The following CERS1 variants were observed in gnomAD, a reference collection of about 807,000 sequenced individuals.
CERS1 encodes ceramide synthase 1.
In CERS1, 16 loss-of-function variants were observed where a neutral mutation model predicts 35.7. That is an observed-to-expected ratio of 0.45 (90% CI 0.30 to 0.68). The LOEUF (loss-of-function observed/expected upper bound fraction) is 0.68, where lower values mean the gene tolerates loss of function less well. CERS1 is among the 30% of genes least tolerant of loss of function. The probability of loss-of-function intolerance (pLI) is 0.08; values close to 1 mark genes in which losing one functional copy is unlikely to be tolerated. For synonymous variants in CERS1, 243 were observed against 201.6 expected (o/e 1.21, Z -1.74); for missense variants, 454 against 453.9 (o/e 1.00, Z 0.00).
intron 2 of CERS1, among the ~76,000 whole-genome samples, chr19:18,885,539 A>G (rs1260746855): frequency 1.8e-5 from 1 of 56,536 alleles, no homozygotes; most frequent in South Asian, 5.6e-4. Context: ...TTTTTTTTTG[A>G]GATGGAGTCT....
chr19:18,874,384 G>C (rs890294777), intron 6 of CERS1, among the ~76,000 whole-genome samples: 10 of 152,322 alleles, frequency 6.6e-5, no homozygotes, highest in African/African-American at 2.4e-4. Flanking sequence ...GCTCACTGCA[G>C]CCTTGACCTC....
At chr19:18,890,358 G>A (rs752141696) in intron 2 of CERS1, among the ~76,000 whole-genome samples, 2 of 152,244 alleles carry the variant, frequency 1.3e-5, no homozygotes, top group Admixed American at 1.3e-4. Flanking sequence ...CCTGCCACAC[G>A]GCCAGCTTCA....
intron 2 of CERS1, among the ~76,000 whole-genome samples, chr19:18,888,252 G>A (rs536477506): frequency 1.3e-4 from 20 of 151,948 alleles, no homozygotes; most frequent in Non-Finnish European, 2.1e-4. Context: ...CCAGCTATTC[G>A]GGAGGCTGAG....
chr19:18,877,319 G>A (rs1601158563), intron 6 of CERS1, among the ~76,000 whole-genome samples: 1 of 152,138 alleles, frequency 6.6e-6, no homozygotes, highest in South Asian at 2.1e-4. Flanking sequence ...CTGCACCTCC[G>A]AGGATGTCCC....
At chr19:18,896,409 C>G (rs535653841), upstream of CERS1, among the ~76,000 whole-genome samples, 294 of 151,884 alleles carry the variant, frequency 1.9e-3, 2 homozygotes, top group Non-Finnish European at 3.4e-3. The surrounding 1 kb of genome is among the most constrained non-coding windows in gnomAD (Gnocchi z 5.9). Flanking sequence ...CCCGCGCGCC[C>G]CCCGCTCCCC....
intron 6 of CERS1, among the ~76,000 whole-genome samples, chr19:18,874,155 C>A (rs2056022242): frequency 6.6e-6 from 1 of 152,166 alleles, no homozygotes; most frequent in South Asian, 2.1e-4. Context: ...AGCTGGACAT[C>A]CTCACCCGGC....
At chr19:18,892,562 C>T (rs1334292454) in intron 2 of CERS1, among the ~76,000 whole-genome samples, 5 of 151,890 alleles carry the variant, frequency 3.3e-5, no homozygotes, top group Admixed American at 6.6e-5. Context: ...CACAGTGAGC[C>T]GAGATCGCGC....
Position 18,896,048 on chromosome 19 carries a change from C to A in CERS1, c.25G>T (p.Gly9Trp). The change falls in exon 1 of 8, where the codon GGG becomes TGG. Residue 9 changes from glycine (G) to tryptophan (W), a missense_variant. Transcript: ENST00000623882. The surrounding 1 kb of genome is among the most constrained non-coding windows in gnomAD (Gnocchi z 5.9). The stretch of plus-strand genomic sequence containing the variant: ...GGCATGGGCTCGGGCCCCGTCGGCC[C>A]CGCCGCGGGCCCCGCCGCCGCCATA... MAAAGPAA[G>W]PTGPEPMPSY... 1 of 986,458 alleles carries A rather than the reference C, an allele frequency of 1.0e-6. No individual in the cohort carries two copies. The highest frequency in any genetic ancestry group is 4.5e-5 in the South Asian group (1 of 22,002). 61.1% of individuals were successfully genotyped at this position (986,458 alleles called of 1,614,324 possible). A position where few individuals can be genotyped will look rare whatever the true frequency, so the allele number is the denominator to read the frequency against.
At chr19:18,890,918 G>GT (rs2056475064) in intron 2 of CERS1, among the ~76,000 whole-genome samples, 1 of 152,008 alleles carries the variant, frequency 6.6e-6, no homozygotes, top group Admixed American at 6.6e-5. Context: ...GAGGTCAGGA[G>GT]TTTGAGACCA....
At chr19:18,874,960 C>G (rs983479155) in intron 6 of CERS1, among the ~76,000 whole-genome samples, 1 of 152,162 alleles carries the variant, frequency 6.6e-6, no homozygotes, top group African/African-American at 2.4e-5. Context: ...CGGAACCAGG[C>G]AAAGTGGCTC....
intron 2 of CERS1, among the ~76,000 whole-genome samples, chr19:18,885,749 GA>G (rs1427135827): frequency 6.6e-6 from 1 of 151,010 alleles, no homozygotes; most frequent in Admixed American, 6.6e-5. Context: ...TTGAACTCCT[GA>G]CCTTGTGATC....
Position 18,868,896 on chromosome 19 carries a change from C to A in CERS1, c.*1089G>T. 1 of 1,412,824 alleles carries A rather than the reference C, an allele frequency of 7.1e-7. No homozygotes were observed. Among genetic ancestry groups the A allele is most frequent in the Admixed American group, 2.3e-5 (1 of 43,674 alleles). The allele number at this position is 1,412,824 out of a possible 1,614,324, so 87.5% of individuals were successfully genotyped here. A position where few individuals can be genotyped will look rare whatever the true frequency, so the allele number is the denominator to read the frequency against. Reference sequence around the variant, plus strand: ...TGCCAGCCCACCTCGCGGAAGCTCACGTACAGCCGCCGCGCGCGACAAGCG... The same window carrying A: ...TGCCAGCCCACCTCGCGGAAGCTCAAGTACAGCCGCCGCGCGCGACAAGCG... On this transcript the variant is annotated 3_prime_UTR_variant, in exon 8 of 8. Transcript: ENST00000623882.
Position 18,878,126 on chromosome 19 carries a change from T to C in CERS1, c.1010+804A>G, listed in dbSNP as rs759864943. The C allele has an allele frequency of 1.2e-5, 12 of 985,364 alleles. No individual in the cohort carries two copies. Among genetic ancestry groups the C allele is most frequent in the Non-Finnish European group, 1.4e-5 (12 of 830,020 alleles). The allele number at this position is 985,364 out of a possible 1,614,324, so 61.0% of individuals were successfully genotyped here. ...GAAACCATCGTTCCCACGTCACCGA[T>C]GGCCCCCACCGGCCAAATCAGAGGG... On this transcript the variant is annotated intron_variant, in intron 6 of 7. Coordinates refer to ENST00000623882, the MANE Select transcript of CERS1 (RefSeq NM_021267.5). The surrounding 1 kb of genome is among the most constrained non-coding windows in gnomAD (Gnocchi z 4.6).
intron 2 of CERS1, among the ~76,000 whole-genome samples, chr19:18,889,540 C>A (rs533389670): frequency 6.6e-6 from 1 of 152,242 alleles, no homozygotes; most frequent in African/African-American, 2.4e-5. Context: ...GCCTCCTGCC[C>A]CAGCCTCCCC....
chr19:18,883,849 T>C (rs2056277735), intron 3 of CERS1, among the ~76,000 whole-genome samples: 1 of 152,178 alleles, frequency 6.6e-6, no homozygotes, highest in Admixed American at 6.5e-5. Context: ...TCTGGGCCTG[T>C]TTCACCCCAT....
At chr19:18,881,214 T>C (rs1342568325) in intron 3 of CERS1, among the ~76,000 whole-genome samples, 1 of 151,632 alleles carries the variant, frequency 6.6e-6, no homozygotes, top group African/African-American at 2.4e-5. Flanking sequence ...GATCCTTTTT[T>C]TTTTTAATTT....
intron 2 of CERS1, among the ~76,000 whole-genome samples, chr19:18,885,012 G>A (rs1009780549): frequency 2.0e-5 from 3 of 151,214 alleles, no homozygotes; most frequent in East Asian, 2.0e-4. Context: ...CACCGTGCCC[G>A]GCCAGCAGGG....
At chr19:18,894,297 C>T (rs1310935168) in intron 1 of CERS1, among the ~76,000 whole-genome samples, 1 of 152,014 alleles carries the variant, frequency 6.6e-6, no homozygotes, top group African/African-American at 2.4e-5. Flanking sequence ...GGCCAAGCCC[C>T]ACCCCTGGAC....
In CERS1 at chr19:18,870,086, G is replaced by A; in HGVS notation, c.*491C>T. 6.3e-7 allele frequency: 1 copy of A among 1,578,322 alleles called. No homozygotes were observed. ...GGGACGTCCGCCGCGAGCCAGACCT[G>A]GTCTCCTGGGGGTCCCGGCGTCGAA... On this transcript the variant is annotated 3_prime_UTR_variant, in exon 7 of 8. Transcript: ENST00000623882. The surrounding 1 kb of genome is among the most constrained non-coding windows in gnomAD (Gnocchi z 5.1).
Sources: gnomAD v4.1 joint callset for allele counts (sites outside exome capture counted in the v4.1 genomes callset) on GRCh38, gnomAD v4.1.1 for gene constraint, Gnocchi (gnomAD v3.1) non-coding constraint, MANE v1.5 for transcripts, NCBI Gene and HGNC (gene_info 2026-07-23, HGNC 2026-07-21) for gene names.